Variants in PTN observed in about 807,000 individuals in gnomAD.
PTN encodes pleiotrophin.
In PTN, 18 loss-of-function variants were observed where a neutral mutation model predicts 24.1. The ratio of observed to expected loss-of-function variants is 0.75; its 90% CI spans 0.52 to 1.11. PTN has a LOEUF of 1.11. Ranked by LOEUF, PTN falls within the 50% of genes least tolerant of loss-of-function variation. PTN has a pLI of 0.00. For missense variants in PTN, 163 were observed against 198.8 expected, an observed-to-expected ratio of 0.82 and a Z score of 1.08; for synonymous variants, 78 against 68.6, an observed-to-expected ratio of 1.14 and a Z score of -0.67.
chr7:137,255,061 C>T, intron 1 of PTN, 87 bp from the exon 2 acceptor site: 2 of 831,714 alleles, frequency 2.4e-6, no homozygotes, highest in Non-Finnish European at 3.5e-6. Flanking sequence ...AAAGGCTCCA[C>T]TTTCCATTTC....
intron 1 of PTN, among the ~76,000 whole-genome samples, chr7:137,317,904 G>T (rs1388683072): frequency 1.3e-5 from 2 of 152,154 alleles, no homozygotes; most frequent in Non-Finnish European, 2.9e-5. Context: ...TTCAAGGAGT[G>T]GGTGGCCAGG....
At chr7:137,291,977 C>G (rs991781028) in intron 1 of PTN, among the ~76,000 whole-genome samples, 2 of 152,126 alleles carry the variant, frequency 1.3e-5, no homozygotes, top group Admixed American at 6.6e-5. Context: ...CTCTAATAAC[C>G]CAATGGCATT....
chr7:137,276,537 G>A (rs538275674), intron 1 of PTN, among the ~76,000 whole-genome samples: 1 of 152,336 alleles, frequency 6.6e-6, no homozygotes, highest in South Asian at 2.1e-4. Context: ...TGGGGCACAT[G>A]TACGCAAGAC....
At chr7:137,260,606 C>T (rs995690399) in intron 1 of PTN, among the ~76,000 whole-genome samples, 1 of 151,984 alleles carries the variant, frequency 6.6e-6, no homozygotes, top group Non-Finnish European at 1.5e-5. Flanking sequence ...TTGCTTTTTA[C>T]TTTTACAAAG....
Position 137,248,269 on chromosome 7 carries a change from G to A in PTN, c.451+2961C>T, listed in dbSNP as rs116070077. Among the ~76,000 whole-genome samples the A allele has an allele frequency of 9.2e-3, 1,401 of 152,224 alleles. 15 individuals carry two copies. The highest frequency in any genetic ancestry group is 0.031 in the African/African-American group (1,268 of 41,524). ...TAAATACAACTTACATATGCCACTC[G>A]TTACATTTTGGTTTAAACTAGGAAA... is the stretch of plus-strand genomic sequence containing the variant. On this transcript the variant is annotated intron_variant, in intron 4 of 4. Transcript: ENST00000348225.
intron 4 of PTN, among the ~76,000 whole-genome samples, chr7:137,239,930 C>T (rs1047574314): frequency 2.5e-4 from 38 of 152,286 alleles, no homozygotes; most frequent in Middle Eastern, 3.4e-3. Flanking sequence ...AGTTTTAACA[C>T]TGATCCCTTT....
At chr7:137,334,101 T>C (rs1426731180) in intron 1 of PTN, among the ~76,000 whole-genome samples, 1 of 151,896 alleles carries the variant, frequency 6.6e-6, no homozygotes, top group Non-Finnish European at 1.5e-5. Context: ...AGAAGAAAAC[T>C]TAGGCAATAC....
At chr7:137,236,584 T>A (rs1305613415) in intron 4 of PTN, among the ~76,000 whole-genome samples, 3 of 152,108 alleles carry the variant, frequency 2.0e-5, no homozygotes, top group Non-Finnish European at 4.4e-5. Flanking sequence ...TGTAGACCAC[T>A]CTCAAGATTT....
chr7:137,263,924 A>G (rs1809088582), intron 1 of PTN, among the ~76,000 whole-genome samples: 1 of 152,162 alleles, frequency 6.6e-6, no homozygotes, highest in Admixed American at 6.5e-5. Context: ...ATGGATTTTT[A>G]TCTGTGTGTT....
intron 4 of PTN, among the ~76,000 whole-genome samples, chr7:137,234,850 C>G (rs1808492153): frequency 6.6e-6 from 1 of 151,938 alleles, no homozygotes; most frequent in South Asian, 2.1e-4. Context: ...GAGGGGAGCC[C>G]AGATTTTAAC....
At chr7:137,264,588 C>A (rs1809104254) in intron 1 of PTN, among the ~76,000 whole-genome samples, 1 of 152,074 alleles carries the variant, frequency 6.6e-6, no homozygotes, top group African/African-American at 2.4e-5. Context: ...GGAGGTTGGA[C>A]CCACTAGAAT....
At chr7:137,281,117 G>T (rs1880791) in intron 1 of PTN, among the ~76,000 whole-genome samples, 19,564 of 151,980 alleles carry the variant, frequency 0.13, 1,587 homozygotes, top group South Asian at 0.2. Flanking sequence ...GTGTGATTCA[G>T]CCAAGTTATG....
intron 4 of PTN, among the ~76,000 whole-genome samples, chr7:137,238,531 G>T (rs981271149): frequency 3.3e-5 from 5 of 152,124 alleles, no homozygotes; most frequent in African/African-American, 1.2e-4. Flanking sequence ...GAATGTTTAG[G>T]ATTATCATGG....
chr7:137,333,437 T>C (rs1157143282), intron 1 of PTN, among the ~76,000 whole-genome samples: 4 of 152,184 alleles, frequency 2.6e-5, no homozygotes, highest in Non-Finnish European at 2.9e-5. Context: ...CCACAATATG[T>C]TCCTTATTAA....
At chr7:137,337,332 G>C (rs926958922) in intron 1 of PTN, among the ~76,000 whole-genome samples, 1 of 152,066 alleles carries the variant, frequency 6.6e-6, no homozygotes, top group Admixed American at 6.6e-5. Flanking sequence ...CTCAAACTAG[G>C]AATTTTAAGA....
intron 1 of PTN, among the ~76,000 whole-genome samples, chr7:137,335,236 T>G (rs1462474975): frequency 1.3e-5 from 2 of 151,854 alleles, no homozygotes. Flanking sequence ...ACACTTTTCA[T>G]TAGCTTTTAA....
At chr7:137,302,798 G>A (rs1227741021) in intron 1 of PTN, among the ~76,000 whole-genome samples, 10 of 151,860 alleles carry the variant, frequency 6.6e-5, no homozygotes, top group Admixed American at 5.3e-4. Context: ...GAACATATAG[G>A]ATGTGCCATT....
chr7:137,236,085 A>T (rs1247066320), intron 4 of PTN: 1 of 684,906 alleles, frequency 1.5e-6, no homozygotes, highest in Non-Finnish European at 2.7e-6. Flanking sequence ...TTCATCAACC[A>T]TGCAGAACAA....
chr7:137,331,736 C>T (rs1009851193), intron 1 of PTN, among the ~76,000 whole-genome samples: 3 of 152,172 alleles, frequency 2.0e-5, no homozygotes, highest in Non-Finnish European at 2.9e-5. Context: ...GGGTTAGATC[C>T]AACCTGGGTG....
Sources: gnomAD v4.1 joint callset for allele counts (sites outside exome capture counted in the v4.1 genomes callset) on GRCh38, gnomAD v4.1.1 for gene constraint, MANE v1.5 for transcripts, NCBI Gene and HGNC (gene_info 2026-07-23, HGNC 2026-07-21) for gene names.